Variants in MPHOSPH8 observed in about 807,000 individuals in gnomAD.
The protein encoded by MPHOSPH8 is M-phase phosphoprotein 8.
MPHOSPH8 carries 45 observed loss-of-function variants against 87.3 expected under a neutral mutation model. The observed-to-expected ratio is 0.52, with a 90% CI of 0.41 to 0.66. The LOEUF (loss-of-function observed/expected upper bound fraction) is 0.66. Among genes scored for constraint, MPHOSPH8 ranks in the 30% least tolerant of loss-of-function variants. The pLI is 0.00. For synonymous variants in MPHOSPH8, 366 were observed against 376.9 expected (o/e 0.97, Z 0.33); for missense variants, 883 against 1,020.2 (o/e 0.87, Z 1.83).
At chr13:19,667,136 T>C (rs1445113899) in intron 10 of MPHOSPH8, among the ~76,000 whole-genome samples, 1 of 152,198 alleles carries the variant, frequency 6.6e-6, no homozygotes, top group Non-Finnish European at 1.5e-5. Context: ...CACTCCAGCC[T>C]GGGCGACAGA....
chr13:19,659,217 T>C lies in MPHOSPH8; in HGVS notation c.1719T>C (p.Ala573=). The change falls in exon 7 of 14, where the codon GCT becomes GCC. Residue 573 remains alanine (A), a synonymous_variant. Transcript: ENST00000361479. ...TCATTTTAGATGTGTTAAGGGATGC[T>C]GTGAAAAATGGGGATTATATTACTG... ...DAIPSNVLRD[A]VKNGDYITVK... 1 of 1,612,846 alleles carries C rather than the reference T, an allele frequency of 6.2e-7. No individual in the cohort carries two copies.
intron 11 of MPHOSPH8, among the ~76,000 whole-genome samples, chr13:19,669,513 CTTT>C (rs56315114): frequency 3.7e-5 from 5 of 133,496 alleles, no homozygotes; most frequent in Non-Finnish European, 7.8e-5. Context: ...CATCCACCAA[CTTT>C]TTTTTTTTTT....
At chr13:19,663,237 A>G in intron 9 of MPHOSPH8, 111 bp downstream of exon 9, 1 of 958,770 alleles carries the variant, frequency 1.0e-6, no homozygotes. Flanking sequence ...GTGGGTACCA[A>G]GACAGTCCTA....
chr13:19,633,663 T>C lies in MPHOSPH8; in HGVS notation c.-86T>C. On this transcript the variant is annotated 5_prime_UTR_variant, in exon 1 of 14. Coordinates refer to ENST00000361479, the MANE Select transcript of MPHOSPH8 (RefSeq NM_017520.4). ...GTCGGCTTCCGTTACGCCGCTGATGTGGAGTAGGGCCGAGCGCGGAACGCG... is the reference window on the plus strand; with the variant it reads ...GTCGGCTTCCGTTACGCCGCTGATGCGGAGTAGGGCCGAGCGCGGAACGCG... 2 of 1,420,392 alleles carry C rather than the reference T, an allele frequency of 1.4e-6. No individual in the cohort carries two copies. Among genetic ancestry groups the C allele is most frequent in the Non-Finnish European group, 9.7e-7 (1 of 1,031,356 alleles). The allele number at this position is 1,420,392 out of a possible 1,614,324, so 88.0% of individuals were successfully genotyped here.
intron 11 of MPHOSPH8, 50 bp from the exon 12 acceptor site, chr13:19,670,186 G>C: frequency 6.2e-7 from 1 of 1,609,528 alleles, no homozygotes; most frequent in African/African-American, 1.3e-5. Context: ...TGTTCCTCTG[G>C]GGACTGAAGG....
rs200202398 is a variant in MPHOSPH8, at chr13:19,642,131, A to G, written c.230A>G (p.Lys77Arg). ...MKTEGGKVLY[K>R]VRWKGYTSDD... ...CTATAACAGGGTAAAGTTCTTTACA[A>G]AGTTCGCTGGAAAGGCTATACATCG... The change falls in exon 2 of 14, where the codon AAA becomes AGA. Residue 77 changes from lysine (K) to arginine (R), a missense_variant. By Grantham distance (26) the Lys-to-Arg change is conservative (BLOSUM62 2). Around this residue, in one of 3 missense-constraint regions of MPHOSPH8, gnomAD observed 39 missense variants for 82.4 expected, o/e 0.47. Transcript: ENST00000361479. 1.4e-4 allele frequency: 215 copies of G among 1,587,606 alleles called. No homozygotes were observed. The highest frequency in any genetic ancestry group is 1.8e-4 in the Non-Finnish European group (206 of 1,170,408).
chr13:19,666,456 G>A lies in MPHOSPH8; in HGVS notation c.2051G>A (p.Arg684Gln), dbSNP rs773972916. 1.8e-5 allele frequency: 29 copies of A among 1,610,196 alleles called. No individual in the cohort carries two copies. The highest frequency in any genetic ancestry group is 4.4e-5 in the South Asian group (4 of 90,820). The stretch of plus-strand genomic sequence containing the variant: ...AAAAGAGGAAATTCAGACATCGTAC[G>A]ACTCGTAATTGAATGTGGAGCTGAC... ...ACKRGNSDIV[R>Q]LVIECGADCN... is the part of the protein sequence containing the mutation. Residue 684 changes from arginine to glutamine, a missense_variant, in exon 10 of 14, where the codon CGA becomes CAA. Coordinates refer to ENST00000361479, the MANE Select transcript of MPHOSPH8 (RefSeq NM_017520.4).
rs1874336283 is a variant in MPHOSPH8, at chr13:19,642,282, T to C, written c.369+12T>C. The C allele has an allele frequency of 6.4e-7, 1 of 1,569,950 alleles. No homozygotes were observed. Among genetic ancestry groups the C allele is most frequent in the Admixed American group, 2.1e-5 (1 of 47,766 alleles). On this transcript the variant is annotated intron_variant, in intron 2 of 13. Coordinates refer to ENST00000361479, the MANE Select transcript of MPHOSPH8 (RefSeq NM_017520.4). ...GGAAGGATATTCAGGTACTATGTTT[T>C]GTCTCATATTTGTTTTTACATACAT...
At chr13:19,636,498 T>C (rs1874016253) in intron 1 of MPHOSPH8, among the ~76,000 whole-genome samples, 1 of 152,044 alleles carries the variant, frequency 6.6e-6, no homozygotes, top group Non-Finnish European at 1.5e-5. Flanking sequence ...CTTTTTTTTT[T>C]TTGAGACAGA....
chr13:19,644,602 G>T (rs1464431749), intron 2 of MPHOSPH8, among the ~76,000 whole-genome samples: 1 of 152,250 alleles, frequency 6.6e-6, no homozygotes, highest in Non-Finnish European at 1.5e-5. Context: ...TCCGGCAGGA[G>T]CATCAGTCCC....
At position 19,670,835 on chromosome 13, in the gene MPHOSPH8, T is replaced by TTG. The variant is rs1555224410; in HGVS notation, c.2458-371_2458-370insTG. 4.5e-5 allele frequency: 38 copies of TTG among 839,892 alleles called. No individual in the cohort carries two copies. In the African/African-American group the frequency reaches 5.9e-4, roughly 13 times the overall value. The allele number at this position is 839,892 out of a possible 1,614,324, so 52.0% of individuals were successfully genotyped here. A position where few individuals can be genotyped will look rare whatever the true frequency, so the allele number is the denominator to read the frequency against. ...AAATAAATCACTTTTTTTTTTTTTT[T>TTG]GAAGACAGGGTCTCGCTCTGTTGTC... On this transcript the variant is annotated intron_variant, in intron 12 of 13. Transcript: ENST00000361479.
intron 7 of MPHOSPH8, 44 bp from the exon 8 acceptor site, chr13:19,661,654 C>A: frequency 6.5e-7 from 1 of 1,534,574 alleles, no homozygotes; most frequent in Non-Finnish European, 8.8e-7. Context: ...TGAAATTGTT[C>A]TGACTAAAGA....
chr13:19,669,167 T>C (rs953555031), intron 11 of MPHOSPH8, among the ~76,000 whole-genome samples: 3 of 152,144 alleles, frequency 2.0e-5, no homozygotes, highest in African/African-American at 7.2e-5. Flanking sequence ...TATCTTAGTG[T>C]TGAGAGAACT....
chr13:19,656,938 A>G (rs1237241157), intron 5 of MPHOSPH8, among the ~76,000 whole-genome samples: 1 of 151,078 alleles, frequency 6.6e-6, no homozygotes, highest in Non-Finnish European at 1.5e-5. Flanking sequence ...CCTGGCCAAC[A>G]TGGTGAAACC....
intron 3 of MPHOSPH8, among the ~76,000 whole-genome samples, chr13:19,647,510 C>CA (rs1334421368): frequency 2.0e-5 from 3 of 152,144 alleles, no homozygotes; most frequent in African/African-American, 7.2e-5. Context: ...AATTTGTGAA[C>CA]AAAAATCAGG....
chr13:19,652,988 C>T (rs1358358343), intron 5 of MPHOSPH8, among the ~76,000 whole-genome samples: 3 of 152,256 alleles, frequency 2.0e-5, no homozygotes, highest in Admixed American at 1.3e-4. Context: ...GGGGAAGGGG[C>T]GGCTGTGGGC....
At chr13:19,670,006 G>T (rs1223905499) in intron 11 of MPHOSPH8, among the ~76,000 whole-genome samples, 1 of 152,164 alleles carries the variant, frequency 6.6e-6, no homozygotes, top group Non-Finnish European at 1.5e-5. Context: ...TCTTTTCCAG[G>T]AACTGTCAGC....
intron 13 of MPHOSPH8, among the ~76,000 whole-genome samples, 176 bp downstream of exon 13, chr13:19,671,465 T>A (rs1363074312): frequency 6.6e-6 from 1 of 151,452 alleles, no homozygotes; most frequent in Admixed American, 6.6e-5. Flanking sequence ...TTAGACATAA[T>A]AATGCGGCAG....
rs1176855353 is a variant in MPHOSPH8, at chr13:19,671,824, C to T, written c.2542-10C>T. ...TCTGTACTGACACCTGCGTTCTTTT[C>T]TTTCAACAGGTTAAGTTGCTAATAG... On this transcript the variant is annotated splice_polypyrimidine_tract_variant and intron_variant, in intron 13 of 13. Transcript: ENST00000361479. 1.2e-6 allele frequency: 2 copies of T among 1,613,972 alleles called. No homozygotes were observed. Among genetic ancestry groups the T allele is most frequent in the East Asian group, 4.5e-5 (2 of 44,890 alleles).
Sources: gnomAD v4.1 joint callset for allele counts (sites outside exome capture counted in the v4.1 genomes callset) on GRCh38, gnomAD v4.1.1 for gene constraint, gnomAD v4.1.1 regional missense constraint, MANE v1.5 for transcripts, NCBI Gene and HGNC (gene_info 2026-07-23, HGNC 2026-07-21) for gene names.